Variants in BUD13 observed in about 807,000 individuals in gnomAD.
BUD13 encodes BUD13 spliceosome associated protein, also known as BUD13 homolog.
In BUD13, 47 loss-of-function variants were observed where a neutral mutation model predicts 62.5. That is an observed-to-expected ratio of 0.75 (90% confidence interval 0.60 to 0.96). The LOEUF is 0.96. BUD13 is among the 40% of genes least tolerant of loss of function. The probability of loss-of-function intolerance (pLI) is 0.00; values close to 1 mark genes in which losing one functional copy is unlikely to be tolerated. For missense variants in BUD13, 821 were observed against 790.9 expected, an observed-to-expected ratio of 1.04 and a Z score of -0.46; for synonymous variants, 293 against 280.1, an observed-to-expected ratio of 1.05 and a Z score of -0.46.
chr11:116,771,078 A>G (rs545875896), intron 1 of BUD13, among the ~76,000 whole-genome samples: 6 of 152,202 alleles, frequency 3.9e-5, no homozygotes, highest in Non-Finnish European at 8.8e-5. Flanking sequence ...ACTCTTTCTC[A>G]TTCCAGGAAA....
chr11:116,762,747 G>A lies in BUD13; in HGVS notation c.842C>T (p.Ser281Phe), dbSNP rs746677430. Reference sequence around the variant, plus strand: ...TTTACCACTTTTGGTTCTGGGCAGGGAATAAGTGACATTAGGAGCCAAATC... The same window carrying A: ...TTTACCACTTTTGGTTCTGGGCAGGAAATAAGTGACATTAGGAGCCAAATC... ...SPDLAPNVTY[S>F]LPRTKSGKAP... The change falls in exon 4 of 10, where the codon TCC (serine) becomes TTC (phenylalanine). Residue 281 changes from serine to phenylalanine, a missense_variant. By Grantham distance (155) the Ser-to-Phe change is radical (BLOSUM62 -2). Transcript: ENST00000260210. The A allele has an allele frequency of 8.1e-6, 13 of 1,614,190 alleles. No homozygotes were observed. Among genetic ancestry groups the A allele is most frequent in the Non-Finnish European group, 1.1e-5 (13 of 1,180,030 alleles).
intron 8 of BUD13, 66 bp downstream of exon 8, chr11:116,757,700 G>T: frequency 6.9e-7 from 1 of 1,455,164 alleles, no homozygotes; most frequent in Non-Finnish European, 9.4e-7. Flanking sequence ...ATATAGCTAT[G>T]TATCAGCATC....
In BUD13 at chr11:116,763,065, G is replaced by A; in HGVS notation, c.524C>T (p.Ser175Phe). The change falls in exon 4 of 10, where the codon TCT (serine) becomes TTT (phenylalanine). Residue 175 changes from serine to phenylalanine, a missense_variant. Transcript: ENST00000260210. Reference sequence around the variant, plus strand: ...GTCATGACGGATCCTCCTGGGAGGAGATGTGTCTGAGTCATGACGAGCCCC... The same window carrying A: ...GTCATGACGGATCCTCCTGGGAGGAAATGTGTCTGAGTCATGACGAGCCCC... ...LRGARHDSDT[S>F]PPRRIRHDSS... 2 of 1,612,344 alleles carry A rather than the reference G, an allele frequency of 1.2e-6. No individual in the cohort carries two copies. The highest frequency in any genetic ancestry group is 1.7e-6 in the Non-Finnish European group (2 of 1,179,372).
At chr11:116,768,991 G>A (rs541782105) in intron 2 of BUD13, among the ~76,000 whole-genome samples, 4 of 147,882 alleles carry the variant, frequency 2.7e-5, no homozygotes, top group Non-Finnish European at 5.9e-5. Context: ...CTCAAGCCTG[G>A]GCAACACGGT....
rs1198522028 is a variant in BUD13 at position 116,757,235 on chromosome 11, G to C, written c.1685-8C>G. 1 of 1,609,860 alleles carries C rather than the reference G, an allele frequency of 6.2e-7. No individual in the cohort carries two copies. The highest frequency in any genetic ancestry group is 8.5e-7 in the Non-Finnish European group (1 of 1,176,302). On this transcript the variant is annotated splice_polypyrimidine_tract_variant and splice_region_variant and intron_variant, in intron 8 of 9. Coordinates refer to ENST00000260210, the MANE Select transcript of BUD13 (RefSeq NM_032725.4). Reference sequence around the variant, plus strand: ...CACTGTAGCGAGGTCTCACTAATGAGAGGAGTAAGAAAAAAGTATTCAGTT... The same window carrying C: ...CACTGTAGCGAGGTCTCACTAATGACAGGAGTAAGAAAAAAGTATTCAGTT...
chr11:116,748,632 A>T, intron 9 of BUD13, 57 bp from the exon 10 acceptor site: 1 of 1,505,324 alleles, frequency 6.6e-7, no homozygotes, highest in Admixed American at 1.7e-5. Flanking sequence ...CATTTGTTTC[A>T]AAAGAAAGGG....
intron 2 of BUD13, among the ~76,000 whole-genome samples, chr11:116,768,107 T>G (rs1183532109): frequency 6.6e-6 from 1 of 151,926 alleles, no homozygotes; most frequent in Non-Finnish European, 1.5e-5. Flanking sequence ...GAAAGCAACA[T>G]GGGAATATAA....
At chr11:116,749,110 C>T (rs563950147) in intron 9 of BUD13, among the ~76,000 whole-genome samples, 289 of 152,242 alleles carry the variant, frequency 1.9e-3, no homozygotes, top group Non-Finnish European at 3.0e-3. Context: ...ACACCCTTCC[C>T]CCACTCTGAC....
chr11:116,763,909 G>GT lies in BUD13; in HGVS notation c.323-644dup, dbSNP rs796805847. ...CAAGTAATTACCAATCACCTACTGTGTGCCAGTGTTTCATAGAGATTACCT... is the reference window on the plus strand; with the variant it reads ...CAAGTAATTACCAATCACCTACTGTGTTGCCAGTGTTTCATAGAGATTACCT... On this transcript the variant is annotated intron_variant, in intron 3 of 9. Transcript: ENST00000260210. Among the ~76,000 whole-genome samples, 12 of 152,314 alleles carry GT rather than the reference G, an allele frequency of 7.9e-5. 1 individual carries two copies. Among genetic ancestry groups the GT allele is most frequent in the African/African-American group, 2.9e-4 (12 of 41,556 alleles).
At position 116,762,697 on chromosome 11, in the gene BUD13, T is replaced by A; in HGVS notation, c.892A>T (p.Thr298Ser). 6.2e-7 allele frequency: 1 copy of A among 1,614,184 alleles called. No individual in the cohort carries two copies. Among genetic ancestry groups the A allele is most frequent in the African/African-American group, 1.3e-5 (1 of 75,050 alleles). ...CCTGACTCCTTCCAATGTGGAGAAG[T>A]CTTGCTAGAGGCTCTTTCTGGGGCT... The part of the protein sequence containing the change: ...GKAPERASSK[T>S]SPHWKESGAS... The change falls in exon 4 of 10, where the codon ACT (threonine) becomes TCT (serine). Residue 298 changes from threonine (T) to serine (S), a missense_variant. Transcript: ENST00000260210.
rs370928017 is a variant in BUD13 at position 116,757,259 on chromosome 11, T to C, written c.1685-32A>G. The C allele has an allele frequency of 1.6e-5, 25 of 1,579,538 alleles. No homozygotes were observed. The African/African-American group carries it at 3.1e-4, about 20-fold the overall frequency. ...AGAGGAGTAAGAAAAAAGTATTCAG[T>C]TAATGACATAGTTTAATTCAGAGCT... On this transcript the variant is annotated intron_variant, in intron 8 of 9. Coordinates refer to ENST00000260210, the MANE Select transcript of BUD13 (RefSeq NM_032725.4).
chr11:116,766,793 G>A (rs1940536600), intron 2 of BUD13, among the ~76,000 whole-genome samples: 1 of 152,174 alleles, frequency 6.6e-6, no homozygotes, highest in Non-Finnish European at 1.5e-5. Flanking sequence ...TTACAAAAAT[G>A]AATTCAGTAA....
intron 9 of BUD13, among the ~76,000 whole-genome samples, chr11:116,750,583 T>A (rs186450899): frequency 8.1e-4 from 123 of 152,124 alleles, no homozygotes; most frequent in African/African-American, 2.8e-3. Context: ...CATCCCCACT[T>A]CCTATTCTCT....
intron 5 of BUD13, 136 bp downstream of exon 5, chr11:116,760,599 A>G (rs1940411084): frequency 2.1e-6 from 2 of 973,258 alleles, no homozygotes; most frequent in Non-Finnish European, 3.1e-6. Flanking sequence ...AAAGACCTCC[A>G]AAGGTCCTTT....
intron 8 of BUD13, among the ~76,000 whole-genome samples, chr11:116,757,550 T>C (rs1230355788): frequency 2.0e-5 from 3 of 151,564 alleles, no homozygotes; most frequent in African/African-American, 7.3e-5. Context: ...TCCACCCACC[T>C]CGGCCTCCCG....
At chr11:116,756,085 G>A (rs1940319232) in intron 9 of BUD13, among the ~76,000 whole-genome samples, 1 of 152,098 alleles carries the variant, frequency 6.6e-6, no homozygotes, top group Admixed American at 6.5e-5. Flanking sequence ...ACACATGCCT[G>A]TAATCCCAGC....
intron 9 of BUD13, among the ~76,000 whole-genome samples, chr11:116,751,174 C>CT (rs1434425204): frequency 2.0e-5 from 3 of 152,236 alleles, no homozygotes; most frequent in Non-Finnish European, 4.4e-5. Flanking sequence ...TTGAAACTGT[C>CT]TGTCTTCTAT....
chr11:116,763,881 G>A (rs1940483366), intron 3 of BUD13, among the ~76,000 whole-genome samples: 1 of 152,180 alleles, frequency 6.6e-6, no homozygotes, highest in African/African-American at 2.4e-5. Flanking sequence ...AAAAAGAAAG[G>A]AGCAAGTAAT....
At chr11:116,749,570 C>G (rs967119831) in intron 9 of BUD13, among the ~76,000 whole-genome samples, 2 of 152,100 alleles carry the variant, frequency 1.3e-5, no homozygotes, top group African/African-American at 2.4e-5. Context: ...TAAGAAGTGG[C>G]CTGGTATGTG....
Sources: gnomAD v4.1 joint callset for allele counts (sites outside exome capture counted in the v4.1 genomes callset) on GRCh38, gnomAD v4.1.1 for gene constraint, MANE v1.5 for transcripts, NCBI Gene and HGNC (gene_info 2026-07-23, HGNC 2026-07-21) for gene names.